PKIB: variants seen among roughly 807,000 people sequenced by gnomAD.
The protein encoded by PKIB is PKI-beta.
A neutral mutation model predicts 4.5 loss-of-function variants in PKIB; 2 were observed. That is an observed-to-expected ratio of 0.44 (90% CI 0.18 to 1.39). PKIB has a LOEUF of 1.39. Among genes scored for constraint, PKIB ranks in the 40% most tolerant of loss-of-function variants. The probability of loss-of-function intolerance (pLI) is 0.27; values close to 1 mark genes in which losing one functional copy is unlikely to be tolerated. For synonymous variants in PKIB, 38 were observed against 36.0 expected (o/e 1.06, Z -0.20); for missense variants, 94 against 92.6 (o/e 1.02, Z -0.06).
chr6:122,628,186 C>A (rs1352267565), intron 1 of PKIB, among the ~76,000 whole-genome samples: 1 of 151,930 alleles, frequency 6.6e-6, no homozygotes, highest in Non-Finnish European at 1.5e-5. Flanking sequence ...TACAGGCATG[C>A]GCCACCAAGT....
intron 1 of PKIB, among the ~76,000 whole-genome samples, chr6:122,615,485 A>G (rs761549446): frequency 1.3e-5 from 2 of 152,204 alleles, no homozygotes; most frequent in Non-Finnish European, 2.9e-5. Context: ...GCTTGAAGTG[A>G]GAGCTGGCAC....
At chr6:122,705,255 T>G (rs1360603169) in intron 3 of PKIB, among the ~76,000 whole-genome samples, 1 of 152,166 alleles carries the variant, frequency 6.6e-6, no homozygotes, top group East Asian at 1.9e-4. Flanking sequence ...ATCAAAGCCT[T>G]TTTCAGAAAT....
At chr6:122,601,308 A>G (rs948777928) in intron 3 of PKIB, among the ~76,000 whole-genome samples, 2 of 152,310 alleles carry the variant, frequency 1.3e-5, no homozygotes, top group East Asian at 1.9e-4. Context: ...CAAGAAAATT[A>G]TATCAAGGAT....
Position 122,495,105 on chromosome 6 carries a change from C to A in PKIB, c.-248+17166C>A, listed in dbSNP as rs117031490. 2.2e-3 allele frequency among the ~76,000 whole-genome samples: 338 copies of A among 152,346 alleles called. 8 individuals are homozygous for A. In the East Asian group the frequency reaches 0.044, roughly 20 times the overall value. On this transcript the variant is annotated intron_variant, in intron 2 of 6. Coordinates refer to the PKIB transcript ENST00000392491. ...CAGGATCTACAGCTTGGGCTCCCAG[C>A]ACAGTGGCCCTGCCCCCAATCCAAA...
At chr6:122,532,177 G>T (rs1156835228) in intron 2 of PKIB, among the ~76,000 whole-genome samples, 1 of 152,126 alleles carries the variant, frequency 6.6e-6, no homozygotes, top group Non-Finnish European at 1.5e-5. Flanking sequence ...ATTAACTAAG[G>T]TGAAATGAGA....
At chr6:122,692,176 C>T (rs1165336181) in intron 3 of PKIB, among the ~76,000 whole-genome samples, 4 of 152,168 alleles carry the variant, frequency 2.6e-5, no homozygotes, top group South Asian at 2.1e-4. Context: ...GCCCAAGGCC[C>T]GCTGTAACCA....
At chr6:122,677,553 G>C (rs1777720137) in intron 3 of PKIB, among the ~76,000 whole-genome samples, 2 of 152,180 alleles carry the variant, frequency 1.3e-5, no homozygotes, top group African/African-American at 4.8e-5. Context: ...CATTGAGATT[G>C]ACTGTCTTCT....
chr6:122,523,824 T>G (rs1456487944), intron 2 of PKIB, among the ~76,000 whole-genome samples: 1 of 151,918 alleles, frequency 6.6e-6, no homozygotes, highest in African/African-American at 2.4e-5. Flanking sequence ...AAGCTCTCTT[T>G]CCTGCCGCCA....
intron 3 of PKIB, among the ~76,000 whole-genome samples, chr6:122,691,770 G>A (rs991978626): frequency 5.3e-5 from 8 of 152,008 alleles, no homozygotes; most frequent in African/African-American, 7.3e-5. Flanking sequence ...ATTGGTGTTT[G>A]GGCCTTGAAG....
intron 2 of PKIB, among the ~76,000 whole-genome samples, chr6:122,502,394 G>T (rs1228881423): frequency 6.6e-6 from 1 of 151,848 alleles, no homozygotes; most frequent in Admixed American, 6.6e-5. Context: ...GAGAAAAGGG[G>T]TTTAATTGAC....
At chr6:122,709,207 C>A (rs1779179488) in intron 3 of PKIB, among the ~76,000 whole-genome samples, 2 of 152,160 alleles carry the variant, frequency 1.3e-5, no homozygotes, top group South Asian at 4.1e-4. Flanking sequence ...AGTTAGATGT[C>A]TTTCTAGAAG....
Position 122,581,129 on chromosome 6 carries a change from T to C in PKIB, c.-247-4792T>C, listed in dbSNP as rs939643802. On this transcript the variant is annotated intron_variant, in intron 2 of 6. Transcript: ENST00000392491. ...AACTCTTCAAATAGCTCTAGTAATT[T>C]TGTGGAAATAAAAATTTAACTACTG... is the stretch of plus-strand genomic sequence containing the variant. 7.3e-4 allele frequency among the ~76,000 whole-genome samples: 111 copies of C among 152,150 alleles called. 2 individuals carry two copies. Among genetic ancestry groups the C allele is most frequent in the African/African-American group, 2.2e-3 (92 of 41,442 alleles).
At chr6:122,635,750 A>G (rs924259258) in intron 2 of PKIB, among the ~76,000 whole-genome samples, 2 of 152,006 alleles carry the variant, frequency 1.3e-5, no homozygotes, top group African/African-American at 4.8e-5. Context: ...CCCTATTTTA[A>G]CTTCCAAATA....
chr6:122,692,255 C>G (rs1562304968), intron 3 of PKIB, among the ~76,000 whole-genome samples: 1 of 152,246 alleles, frequency 6.6e-6, no homozygotes, highest in Admixed American at 6.5e-5. Context: ...CAAAGCCAGT[C>G]AGACCTGTGT....
intron 3 of PKIB, among the ~76,000 whole-genome samples, chr6:122,600,367 A>T (rs534650957): frequency 9.2e-5 from 14 of 152,282 alleles, no homozygotes; most frequent in Middle Eastern, 3.4e-3. Flanking sequence ...CCTCACAGAC[A>T]CACCCAGGAT....
intron 2 of PKIB, among the ~76,000 whole-genome samples, chr6:122,671,249 G>A (rs527340524): frequency 2.1e-4 from 32 of 150,228 alleles, no homozygotes; most frequent in East Asian, 2.0e-4. Flanking sequence ...CCAAAATTGC[G>A]CCACTGCACT....
At chr6:122,700,470 C>T (rs1778767539) in intron 3 of PKIB, among the ~76,000 whole-genome samples, 1 of 151,946 alleles carries the variant, frequency 6.6e-6, no homozygotes, top group Non-Finnish European at 1.5e-5. Context: ...ATTAATGGTG[C>T]CATGGGGTAC....
At chr6:122,650,411 A>G (rs1040689826) in intron 2 of PKIB, among the ~76,000 whole-genome samples, 4 of 152,186 alleles carry the variant, frequency 2.6e-5, no homozygotes, top group African/African-American at 9.7e-5. Context: ...GCCTCACTCC[A>G]TAGTTCAGTA....
At chr6:122,678,640 T>C (rs887591873) in intron 3 of PKIB, among the ~76,000 whole-genome samples, 3 of 152,130 alleles carry the variant, frequency 2.0e-5, no homozygotes, top group African/African-American at 7.2e-5. Context: ...GTACCAGAGA[T>C]GTAAAATGAA....
Sources: allele counts gnomAD v4.1 joint callset (sites outside exome capture counted in the v4.1 genomes callset), GRCh38; gene constraint gnomAD v4.1.1; transcripts MANE v1.5; gene names NCBI Gene and HGNC (gene_info 2026-07-23, HGNC 2026-07-21).